Variants in CACNB4 observed in about 807,000 individuals in gnomAD.
CACNB4 encodes the protein calcium voltage-gated channel auxiliary subunit beta 4, also known as voltage-dependent L-type calcium channel subunit beta-4.
CACNB4 carries 32 observed loss-of-function variants against 71.2 expected under a neutral mutation model. That is an observed-to-expected ratio of 0.45 (90% CI 0.34 to 0.60). The LOEUF (loss-of-function observed/expected upper bound fraction) is 0.60, where lower values mean the gene tolerates loss of function less well. CACNB4 is among the 20% of genes least tolerant of loss of function. CACNB4 has a pLI of 0.01. For missense variants in CACNB4, 464 were observed against 647.9 expected, an observed-to-expected ratio of 0.72 and a Z score of 3.08; for synonymous variants, 231 against 236.9, an observed-to-expected ratio of 0.97 and a Z score of 0.23.
Position 151,880,862 on chromosome 2 carries a change from C to A in CACNB4, c.328G>T (p.Asp110Tyr), listed in dbSNP as rs780437069. 2 of 1,613,848 alleles carry A rather than the reference C, an allele frequency of 1.2e-6. No individual in the cohort carries two copies. Residue 110 changes from aspartate (D) to tyrosine (Y), a missense_variant, in exon 4 of 14, where the codon GAT becomes TAT. This residue lies in a region of CACNB4 where 299 missense variants were observed against 471.7 expected (regional missense o/e 0.63). Transcript: ENST00000539935. ...NVSYCGALDE[D>Y]VPVPSTAISF... ...ATAGCTGTGCTTGGAACAGGCACAT[C>A]CTCGTCCAGGGCGCCGCAGTAGCTC...
At position 152,098,485 on chromosome 2, in the gene CACNB4, G is replaced by T. The variant is rs1359673105; in HGVS notation, c.64-72C>A. On this transcript the variant is annotated intron_variant, in intron 1 of 13. Coordinates refer to ENST00000539935, the MANE Select transcript of CACNB4 (RefSeq NM_000726.5). The surrounding 1 kb of genome is among the most constrained non-coding windows in gnomAD (Gnocchi z 5.3). ...GCGCAGAGCGGGGCGACCACCCCCG[G>T]CTGGAGTCCGCCTCCGGACCCGCTC... 7 of 1,436,914 alleles carry T rather than the reference G, an allele frequency of 4.9e-6. No homozygotes were observed. Among genetic ancestry groups the T allele is most frequent in the South Asian group, 1.1e-5 (1 of 87,582 alleles). The allele number at this position is 1,436,914 out of a possible 1,614,324, so 89.0% of individuals were successfully genotyped here.
chr2:152,008,598 C>T (rs1048813865), intron 2 of CACNB4, among the ~76,000 whole-genome samples: 2 of 152,140 alleles, frequency 1.3e-5, no homozygotes, highest in African/African-American at 4.8e-5. Context: ...CCATGCCCAG[C>T]CAGTCTTCTT....
chr2:152,083,090 T>C (rs916462880), intron 2 of CACNB4, among the ~76,000 whole-genome samples: 1 of 152,164 alleles, frequency 6.6e-6, no homozygotes, highest in Non-Finnish European at 1.5e-5. Context: ...TCTCAGCCAC[T>C]GTGGGGCTGA....
chr2:151,978,761 C>T (rs1221279450), intron 2 of CACNB4, among the ~76,000 whole-genome samples: 3 of 152,118 alleles, frequency 2.0e-5, no homozygotes, highest in Non-Finnish European at 4.4e-5. Flanking sequence ...AAACCTTGCC[C>T]CTGATGCCGG....
chr2:151,971,356 C>A (rs2099872496), intron 2 of CACNB4: 2 of 598,788 alleles, frequency 3.3e-6, no homozygotes, highest in South Asian at 4.1e-5. Context: ...ACATTTTCAA[C>A]AGCACAGAAC....
At chr2:151,965,432 GA>G (rs1319716242) in intron 2 of CACNB4, among the ~76,000 whole-genome samples, 1 of 152,124 alleles carries the variant, frequency 6.6e-6, no homozygotes, top group Non-Finnish European at 1.5e-5. Context: ...CTGTCTCCTA[GA>G]ATTGATTGTA....
chr2:152,027,254 TC>T (rs2105163216), intron 2 of CACNB4, among the ~76,000 whole-genome samples: 1 of 152,300 alleles, frequency 6.6e-6, no homozygotes, highest in South Asian at 2.1e-4. Flanking sequence ...AGGCACCTCC[TC>T]CCATTTTTCT....
At chr2:152,022,525 CAAG>C (rs1297570374) in intron 2 of CACNB4, among the ~76,000 whole-genome samples, 1 of 152,162 alleles carries the variant, frequency 6.6e-6, no homozygotes, top group African/African-American at 2.4e-5. Flanking sequence ...TTAAGTTGGA[CAAG>C]AAGTGCAATA....
Position 151,855,338 on chromosome 2 carries a change from C to A in CACNB4, c.906G>T (p.Leu302Phe). 6.3e-7 allele frequency: 1 copy of A among 1,598,654 alleles called. No homozygotes were observed. The highest frequency in any genetic ancestry group is 8.6e-7 in the Non-Finnish European group (1 of 1,167,764). Residue 302 changes from leucine to phenylalanine, a missense_variant, in exon 11 of 14, where the codon TTG (leucine) becomes TTT (phenylalanine). Coordinates refer to ENST00000539935, the MANE Select transcript of CACNB4 (RefSeq NM_000726.5). ...GAACAACCAGTTGCAAAGATCTTGC[C>A]AACTCAAAGATTCTTTCAATTTCAC... Reference protein sequence around the residue: ...VQSEIERIFELARSLQLVVLD... With the variant: ...VQSEIERIFEFARSLQLVVLD...
intron 2 of CACNB4, among the ~76,000 whole-genome samples, chr2:152,038,314 C>T (rs1211138205): frequency 1.3e-5 from 2 of 152,190 alleles, no homozygotes; most frequent in East Asian, 3.8e-4. Flanking sequence ...CGCAACAGCC[C>T]TCCCCGGCCT....
intron 8 of CACNB4, 146 bp from the exon 9 acceptor site, chr2:151,869,381 A>C: frequency 1.7e-6 from 1 of 583,296 alleles, no homozygotes; most frequent in Non-Finnish European, 3.1e-6. Flanking sequence ...TTACCATGGA[A>C]GGTGTTTTTC....
intron 2 of CACNB4, among the ~76,000 whole-genome samples, chr2:151,984,537 C>G (rs1681225197): frequency 6.6e-6 from 1 of 152,070 alleles, no homozygotes; most frequent in African/African-American, 2.4e-5. Flanking sequence ...TTATCCTATC[C>G]CCAACCAAGC....
chr2:152,027,875 A>AAAAAAC (rs1684065123), intron 2 of CACNB4, among the ~76,000 whole-genome samples: 1 of 141,072 alleles, frequency 7.1e-6, no homozygotes, highest in African/African-American at 2.7e-5. Flanking sequence ...AAAAAAAAAA[A>AAAAAAC]AGCCAAAGCC....
chr2:152,023,833 C>T (rs76347332), intron 2 of CACNB4, among the ~76,000 whole-genome samples: 2,743 of 152,282 alleles, frequency 0.018, 87 homozygotes, highest in African/African-American at 0.061. Context: ...TACAACTCAA[C>T]GAATTGAAAA....
intron 2 of CACNB4, chr2:151,968,027 T>G (rs965294483): frequency 6.6e-6 from 1 of 152,244 alleles, no homozygotes; most frequent in African/African-American, 2.4e-5. Context: ...TACCTTCTTT[T>G]GGCATACCAA....
intron 2 of CACNB4, among the ~76,000 whole-genome samples, chr2:152,035,209 T>C (rs1289044159): frequency 6.6e-6 from 1 of 152,228 alleles, no homozygotes; most frequent in East Asian, 1.9e-4. Flanking sequence ...ACGGATGATT[T>C]TCTTTTGTAT....
intron 2 of CACNB4, among the ~76,000 whole-genome samples, chr2:151,963,990 G>A (rs182012108): frequency 0.017 from 2,533 of 147,130 alleles, 78 homozygotes; most frequent in African/African-American, 0.058. Context: ...AATTGCTTGA[G>A]CCCGGGAGAC....
At chr2:152,056,488 C>G (rs773591186) in intron 2 of CACNB4, among the ~76,000 whole-genome samples, 4 of 152,140 alleles carry the variant, frequency 2.6e-5, no homozygotes, top group Non-Finnish European at 5.9e-5. Flanking sequence ...TCCAGGTTTA[C>G]TAAAACCACT....
intron 2 of CACNB4, among the ~76,000 whole-genome samples, chr2:152,001,526 TAAAAAAAAAA>T (rs70974816): frequency 0.017 from 595 of 35,514 alleles, 16 homozygotes; most frequent in African/African-American, 0.055. Context: ...CCATCTCTAC[TAAAAAAAAAA>T]AAAAAAAAAA....
Sources: gnomAD v4.1 joint callset for allele counts (sites outside exome capture counted in the v4.1 genomes callset) on GRCh38, gnomAD v4.1.1 for gene constraint, gnomAD v4.1.1 regional missense constraint, Gnocchi (gnomAD v3.1) non-coding constraint, MANE v1.5 for transcripts, NCBI Gene and HGNC (gene_info 2026-07-23, HGNC 2026-07-21) for gene names.